The following PSMA5 variants were observed in gnomAD, a reference collection of about 807,000 sequenced individuals.
The protein encoded by PSMA5 is proteasome 20S subunit alpha 5.
In PSMA5, 3 loss-of-function variants were observed where a neutral mutation model predicts 34.5. The observed-to-expected ratio is 0.09, with a 90% CI of 0.04 to 0.22. PSMA5 has a LOEUF of 0.22. Among genes scored for constraint, PSMA5 ranks in the 10% least tolerant of loss-of-function variants. The probability of loss-of-function intolerance (pLI) is 1.00; values close to 1 mark genes in which losing one functional copy is unlikely to be tolerated. For missense variants in PSMA5, 120 were observed against 286.1 expected, an observed-to-expected ratio of 0.42 and a Z score of 4.19; for synonymous variants, 88 against 95.8, an observed-to-expected ratio of 0.92 and a Z score of 0.47.
chr1:109,415,294 A>C lies in PSMA5; in HGVS notation c.166T>G (p.Ser56Ala). 6.2e-7 allele frequency: 1 copy of C among 1,614,022 alleles called. No individual in the cohort carries two copies. Among genetic ancestry groups the C allele is most frequent in the Non-Finnish European group, 8.5e-7 (1 of 1,179,944 alleles). Residue 56 changes from serine to alanine, a missense_variant, in exon 3 of 9, where the codon TCC becomes GCC. Coordinates refer to ENST00000271308, the MANE Select transcript of PSMA5 (RefSeq NM_002790.4). Reference sequence around the variant, plus strand: ...ATGCTGCTGGGCTCCATCAGTGGGGAAGTAATTCTCTTCTCCACAGCTAGG... The same window carrying C: ...ATGCTGCTGGGCTCCATCAGTGGGGCAGTAATTCTCTTCTCCACAGCTAGG... ...VCLAVEKRIT[S>A]PLMEPSSIEK...
At chr1:109,426,168 G>A (rs998862855) in intron 1 of PSMA5, 134 bp downstream of exon 1, 10 of 1,224,458 alleles carry the variant, frequency 8.2e-6, no homozygotes, top group African/African-American at 3.0e-5. Flanking sequence ...GCCTGAGGAG[G>A]GCATAACATC....
intron 3 of PSMA5, among the ~76,000 whole-genome samples, chr1:109,413,816 T>C (rs1165442063): frequency 6.6e-6 from 1 of 152,188 alleles, no homozygotes; most frequent in African/African-American, 2.4e-5. Context: ...ATCAATCAGA[T>C]CACAAGTTCT....
intron 8 of PSMA5, among the ~76,000 whole-genome samples, chr1:109,403,936 C>G (rs1223560372): frequency 6.6e-6 from 1 of 152,168 alleles, no homozygotes; most frequent in African/African-American, 2.4e-5. Context: ...AGAAAAGTCC[C>G]AAATATATCT....
chr1:109,426,081 C>T (rs1284762617), intron 1 of PSMA5: 2 of 604,368 alleles, frequency 3.3e-6, no homozygotes, highest in East Asian at 2.8e-5. Flanking sequence ...GCTTCCGCAC[C>T]GAGTTAGGAC....
chr1:109,407,406 G>A (rs547895844), intron 8 of PSMA5, among the ~76,000 whole-genome samples: 1 of 152,268 alleles, frequency 6.6e-6, no homozygotes, highest in African/African-American at 2.4e-5. Context: ...CCAAATGTCA[G>A]TCCTTCTTAG....
intron 4 of PSMA5, 25 bp downstream of exon 4, chr1:109,413,043 A>G (rs1373760671): frequency 6.3e-7 from 1 of 1,599,194 alleles, no homozygotes; most frequent in Non-Finnish European, 8.6e-7. Flanking sequence ...GCATCCTGGT[A>G]AAAAGGAGAT....
intron 8 of PSMA5, among the ~76,000 whole-genome samples, chr1:109,405,516 CA>C (rs34573869): frequency 0.047 from 6,614 of 140,374 alleles, 163 homozygotes; most frequent in Non-Finnish European, 0.06. Context: ...CAGCTCACTG[CA>C]ACCTCCGCCT....
Position 109,426,360 on chromosome 1 carries a change from C to A in PSMA5, c.-30G>T, listed in dbSNP as rs774670236. 3.8e-6 allele frequency: 6 copies of A among 1,597,720 alleles called. No individual in the cohort carries two copies. Among genetic ancestry groups the A allele is most frequent in the Non-Finnish European group, 5.1e-6 (6 of 1,170,476 alleles). On this transcript the variant is annotated 5_prime_UTR_variant, in exon 1 of 9. Transcript: ENST00000271308. ...AGGGTAGGAGGAGGCAGCGGCTACG[C>A]GGGGATTCTGAGGACCAACACGACT... is the stretch of plus-strand genomic sequence containing the variant.
chr1:109,425,190 A>T (rs1483481547), intron 1 of PSMA5: 1 of 152,256 alleles, frequency 6.6e-6, no homozygotes. Flanking sequence ...CTAAGAGAAT[A>T]AAAAGGGATG....
At chr1:109,424,009 C>T (rs1012008615) in intron 1 of PSMA5, among the ~76,000 whole-genome samples, 10 of 152,216 alleles carry the variant, frequency 6.6e-5, no homozygotes, top group African/African-American at 2.2e-4. Flanking sequence ...ATACACGTAT[C>T]ATATGTGCCA....
rs1653554646 is a variant in PSMA5, at chr1:109,402,082, T to C, written c.657A>G (p.Thr219=). Residue 219 remains threonine (T), a synonymous_variant, in exon 9 of 9, where the codon ACA becomes ACG. Transcript: ENST00000271308. ...KLNATNIELA[T]VQPGQNFHMF... is the part of the protein sequence containing the mutation. ...TGTGGAAATTCTGGCCAGGCTGCAC[T>C]GTGGCTAGCTGGAAAGAAAACAGAA... The C allele has an allele frequency of 3.1e-6, 5 of 1,611,728 alleles. No homozygotes were observed. In the South Asian group the frequency reaches 3.3e-5, roughly 11 times the overall value.
chr1:109,418,657 C>T (rs1423727502), intron 2 of PSMA5, among the ~76,000 whole-genome samples: 1 of 152,074 alleles, frequency 6.6e-6, no homozygotes, highest in Admixed American at 6.6e-5. Flanking sequence ...GTTGCCCAGG[C>T]TAGTCTTGAA....
intron 2 of PSMA5, among the ~76,000 whole-genome samples, chr1:109,419,559 C>T (rs550284130): frequency 6.6e-6 from 1 of 152,188 alleles, no homozygotes; most frequent in Non-Finnish European, 1.5e-5. Context: ...AATCCCAGCA[C>T]TCTGGGAGGC....
chr1:109,408,778 C>G (rs529657883), intron 8 of PSMA5, among the ~76,000 whole-genome samples: 306 of 151,924 alleles, frequency 2.0e-3, no homozygotes, highest in African/African-American at 6.9e-3. Flanking sequence ...GTAACCTCCA[C>G]CTCCCGGGTT....
chr1:109,419,068 G>A (rs1241619353), intron 2 of PSMA5, among the ~76,000 whole-genome samples: 1 of 152,016 alleles, frequency 6.6e-6, no homozygotes, highest in Non-Finnish European at 1.5e-5. Flanking sequence ...CAGGAGAATC[G>A]CTTGAACACG....
At chr1:109,424,904 T>C (rs942689412) in intron 1 of PSMA5, among the ~76,000 whole-genome samples, 4 of 152,148 alleles carry the variant, frequency 2.6e-5, no homozygotes, top group African/African-American at 9.7e-5. Context: ...GGAGAATCGC[T>C]TGAACCCAGG....
chr1:109,411,839 T>A (rs1450860105), intron 6 of PSMA5, 38 bp downstream of exon 6: 1 of 1,563,986 alleles, frequency 6.4e-7, no homozygotes, highest in African/African-American at 1.4e-5. Context: ...AATAATTCCC[T>A]GCAAAAGCAT....
intron 8 of PSMA5, among the ~76,000 whole-genome samples, chr1:109,402,334 C>A (rs1387582858): frequency 6.6e-6 from 1 of 152,204 alleles, no homozygotes; most frequent in Non-Finnish European, 1.5e-5. Flanking sequence ...TAACCAAATG[C>A]CTGGCATCAT....
rs1654649232 is a variant in PSMA5 at position 109,426,169 on chromosome 1, G to A, written c.29+133C>T. 2.4e-6 allele frequency: 3 copies of A among 1,233,082 alleles called. No homozygotes were observed. The South Asian group carries it at 3.7e-5, about 15-fold the overall frequency. The allele number at this position is 1,233,082 out of a possible 1,614,324, so 76.4% of individuals were successfully genotyped here. A position where few individuals can be genotyped will look rare whatever the true frequency, so the allele number is the denominator to read the frequency against. On this transcript the variant is annotated intron_variant, in intron 1 of 8. Transcript: ENST00000271308. ...GAAGGACGGCGGGCGCCTGAGGAGGGCATAACATCCCCAGGTCCGGCCAGT... is the reference window on the plus strand; with the variant it reads ...GAAGGACGGCGGGCGCCTGAGGAGGACATAACATCCCCAGGTCCGGCCAGT...
Sources: allele counts gnomAD v4.1 joint callset (sites outside exome capture counted in the v4.1 genomes callset), GRCh38; gene constraint gnomAD v4.1.1; transcripts MANE v1.5; gene names NCBI Gene and HGNC (gene_info 2026-07-23, HGNC 2026-07-21).